The following CNTRL variants were observed in gnomAD, a reference collection of about 807,000 sequenced individuals.
The protein encoded by CNTRL is centriolin.
A neutral mutation model predicts 303.7 loss-of-function variants in CNTRL; 233 were observed. The observed-to-expected ratio is 0.77, with a 90% CI of 0.69 to 0.86. CNTRL has a LOEUF of 0.86. Among genes scored for constraint, CNTRL ranks in the 40% least tolerant of loss-of-function variants. The pLI is 0.00. For missense variants in CNTRL, 2,524 were observed against 2,650.6 expected (o/e 0.95, Z 1.05); for synonymous variants, 900 against 922.2 (o/e 0.98, Z 0.44).
intron 40 of CNTRL, among the ~76,000 whole-genome samples, chr9:121,172,411 T>C (rs910918524): frequency 2.0e-5 from 3 of 152,032 alleles, no homozygotes; most frequent in African/African-American, 7.2e-5. Flanking sequence ...GAGGCCAAGA[T>C]AGGTGGATCG....
chr9:121,172,746 T>C (rs893047562), intron 40 of CNTRL, among the ~76,000 whole-genome samples: 1 of 152,256 alleles, frequency 6.6e-6, no homozygotes, highest in Non-Finnish European at 1.5e-5. Flanking sequence ...ATGACTTATT[T>C]CAGTAAATGG....
chr9:121,171,591 G>T (rs1396734401), intron 40 of CNTRL, 43 bp downstream of exon 40: 1 of 1,595,690 alleles, frequency 6.3e-7, no homozygotes, highest in Non-Finnish European at 8.5e-7. Context: ...GGGGAGAGAG[G>T]ACTCACTGGG....
Position 121,148,755 on chromosome 9 carries a change from C to T in CNTRL, c.3543C>T (p.Arg1181=), listed in dbSNP as rs750452171. 3.7e-6 allele frequency: 6 copies of T among 1,614,000 alleles called. No individual in the cohort carries two copies. The African/African-American group carries it at 4.0e-5, about 11-fold the overall frequency. Residue 1181 remains arginine (R), a synonymous_variant, in exon 24 of 44, where the codon CGC becomes CGT. Coordinates refer to ENST00000373855, the MANE Select transcript of CNTRL (RefSeq NM_007018.6). ...YSASTPVRKP[R]PGQQDGKEGS... ...CCTCAACTCCTGTTAGAAAACCACG[C>T]CCTGGGCAGCAGGATGGGAAGGAAG...
At chr9:121,138,787 A>C in intron 16 of CNTRL, 108 bp downstream of exon 16, 1 of 1,114,398 alleles carries the variant, frequency 9.0e-7, no homozygotes, top group Non-Finnish European at 1.3e-6. Context: ...AAGCAATTTG[A>C]ATTACTAGAA....
In CNTRL at chr9:121,154,855, G is replaced by A. The variant is rs1291201518; in HGVS notation, c.4307G>A (p.Arg1436Lys). The A allele has an allele frequency of 6.8e-6, 11 of 1,614,146 alleles. No homozygotes were observed. The highest frequency in any genetic ancestry group is 9.3e-6 in the Non-Finnish European group (11 of 1,179,990). Residue 1436 changes from arginine (R) to lysine (K), a missense_variant, in exon 27 of 44, where the codon AGG becomes AAG. By Grantham distance (26) the Arg-to-Lys change is conservative. Coordinates refer to ENST00000373855, the MANE Select transcript of CNTRL (RefSeq NM_007018.6). ...KTLLKRRSEL[R>K]EADRLLAEAE... ...CTTCTGAAACGTCGCTCAGAGCTCAGGGAAGCTGACCGACTCCTGGCAGAG... is the reference window on the plus strand; with the variant it reads ...CTTCTGAAACGTCGCTCAGAGCTCAAGGAAGCTGACCGACTCCTGGCAGAG...
chr9:121,099,362 A>T (rs1588096871), intron 7 of CNTRL, among the ~76,000 whole-genome samples: 1 of 152,210 alleles, frequency 6.6e-6, no homozygotes, highest in Admixed American at 6.5e-5. Context: ...AGGAAAACTA[A>T]CAAACAGAAA....
At chr9:121,164,877 A>G in intron 34 of CNTRL, 66 bp from the exon 35 acceptor site, 1 of 1,264,022 alleles carries the variant, frequency 7.9e-7, no homozygotes, top group Non-Finnish European at 1.1e-6. Flanking sequence ...AAAGGATAAC[A>G]CTGTTCCTCA....
chr9:121,099,911 A>T (rs1394034335), intron 7 of CNTRL, among the ~76,000 whole-genome samples: 1 of 152,250 alleles, frequency 6.6e-6, no homozygotes, highest in East Asian at 1.9e-4. Context: ...GGACTATGTG[A>T]AAAGACCAAA....
Position 121,107,906 on chromosome 9 carries a change from A to G in CNTRL, c.913A>G (p.Lys305Glu). ...RFLEEIKNQD[K>E]LNKSLKEEAM... The stretch of plus-strand genomic sequence containing the variant: ...CCTTGAGGAAATTAAAAATCAAGAT[A>G]AATTGAATAAATCATTAAAAGAGGA... Residue 305 changes from lysine to glutamate, a missense_variant, in exon 8 of 44, where the codon AAA (lysine) becomes GAA (glutamate). Transcript: ENST00000373855. The G allele has an allele frequency of 6.2e-7, 1 of 1,611,294 alleles. No individual in the cohort carries two copies. The highest frequency in any genetic ancestry group is 8.5e-7 in the Non-Finnish European group (1 of 1,178,688).
chr9:121,107,814 G>A lies in CNTRL; in HGVS notation c.821G>A (p.Arg274Lys), dbSNP rs2049550596. The change falls in exon 8 of 44, where the codon AGA (arginine) becomes AAA (lysine). Residue 274 changes from arginine (R) to lysine (K), a missense_variant. Arg to Lys is a conservative substitution (Grantham distance 26, BLOSUM62 2). Transcript: ENST00000373855. Reference protein sequence around the residue: ...FERFSLEEVERLERDLEKKMI... With the variant: ...FERFSLEEVEKLERDLEKKMI... ...TTTTCATTGGCAGAAGAGGTAGAAAGACTGGAAAGAGACCTAGAAAAAAAG... is the reference window on the plus strand; with the variant it reads ...TTTTCATTGGCAGAAGAGGTAGAAAAACTGGAAAGAGACCTAGAAAAAAAG... The A allele has an allele frequency of 6.4e-7, 1 of 1,568,810 alleles. No homozygotes were observed. The highest frequency in any genetic ancestry group is 1.4e-5 in the African/African-American group (1 of 72,160).
chr9:121,152,324 A>G (rs2052320190), intron 25 of CNTRL, 161 bp from the exon 26 acceptor site: 1 of 613,752 alleles, frequency 1.6e-6, no homozygotes, highest in South Asian at 2.0e-5. Flanking sequence ...TGTCAGTTTC[A>G]TCCGTGACAT....
chr9:121,123,909 T>C (rs1188226137), intron 12 of CNTRL, 22 bp from the exon 13 acceptor site: 27 of 1,535,476 alleles, frequency 1.8e-5, no homozygotes, highest in Non-Finnish European at 2.4e-5. Flanking sequence ...TGGAGTTTTG[T>C]TGATTTTTTT....
chr9:121,099,399 T>C (rs1356203645), intron 7 of CNTRL, among the ~76,000 whole-genome samples: 2 of 152,104 alleles, frequency 1.3e-5, no homozygotes, highest in African/African-American at 4.8e-5. Flanking sequence ...ACCCTATCTG[T>C]ACGTCACCAT....
chr9:121,135,876 G>T lies in CNTRL; in HGVS notation c.2096G>T (p.Gly699Val). ...AATGCATCTTTGCAGCAGACCCAGG[G>T]AGATCTCAGTGCCTATGAAGCTGAG... ...EVNASLQQTQGDLSAYEAELE... is the reference protein window; with the variant it reads ...EVNASLQQTQVDLSAYEAELE... The change falls in exon 15 of 44, where the codon GGA (glycine) becomes GTA (valine). Residue 699 changes from glycine (G) to valine (V), a missense_variant. Gly to Val is a moderately radical substitution (Grantham distance 109, BLOSUM62 -3). Coordinates refer to ENST00000373855, the MANE Select transcript of CNTRL (RefSeq NM_007018.6). 1 of 1,614,056 alleles carries T rather than the reference G, an allele frequency of 6.2e-7. No individual in the cohort carries two copies. The highest frequency in any genetic ancestry group is 8.5e-7 in the Non-Finnish European group (1 of 1,179,972).
intron 2 of CNTRL, among the ~76,000 whole-genome samples, chr9:121,083,398 T>G (rs1045099251): frequency 1.3e-5 from 2 of 152,192 alleles, no homozygotes; most frequent in Non-Finnish European, 2.9e-5. Flanking sequence ...TTTAAATGTT[T>G]TCTTAAAAAC....
In CNTRL at chr9:121,140,667, A is replaced by C. The variant is rs145006037; in HGVS notation, c.2364A>C (p.Gln788His). The C allele has an allele frequency of 6.2e-7, 1 of 1,612,626 alleles. No individual in the cohort carries two copies. The highest frequency in any genetic ancestry group is 1.1e-5 in the South Asian group (1 of 90,920). ...LQDDNNLLKQQLKDFQNHLNH... is the reference protein window; with the variant it reads ...LQDDNNLLKQHLKDFQNHLNH... ...ATGACAATAATCTGTTAAAACAGCA[A>C]CTTAAAGATTTCCAGAATCACCTTA... is the stretch of plus-strand genomic sequence containing the variant. The change falls in exon 17 of 44, where the codon CAA (glutamine) becomes CAC (histidine). Residue 788 changes from glutamine to histidine, a missense_variant. Coordinates refer to ENST00000373855, the MANE Select transcript of CNTRL (RefSeq NM_007018.6).
intron 25 of CNTRL, 101 bp from the exon 26 acceptor site, chr9:121,152,384 T>C: frequency 2.2e-6 from 2 of 919,574 alleles, no homozygotes; most frequent in South Asian, 1.6e-5. Flanking sequence ...TTTTGGGCCA[T>C]TGATACCACT....
chr9:121,160,241 A>G lies in CNTRL; in HGVS notation c.5028A>G (p.Glu1676=). 6.4e-7 allele frequency: 1 copy of G among 1,565,426 alleles called. No individual in the cohort carries two copies. ...CTCAACTTACACTTATAAAGCAGGA[A>G]ATTGAAAAAGAGGAAGAAAATCTTC... ...RKTQLTLIKQ[E]IEKEEENLQV... The change falls in exon 32 of 44, where the codon GAA becomes GAG. Residue 1676 remains glutamate (E), a synonymous_variant. Coordinates refer to ENST00000373855, the MANE Select transcript of CNTRL (RefSeq NM_007018.6).
intron 14 of CNTRL, among the ~76,000 whole-genome samples, chr9:121,133,508 T>A (rs1480223143): frequency 6.6e-6 from 1 of 152,200 alleles, no homozygotes; most frequent in African/African-American, 2.4e-5. Flanking sequence ...AAAAGCACAG[T>A]ATTTGGGTGA....
Sources: allele counts gnomAD v4.1 joint callset (sites outside exome capture counted in the v4.1 genomes callset), GRCh38; gene constraint gnomAD v4.1.1; transcripts MANE v1.5; gene names NCBI Gene and HGNC (gene_info 2026-07-23, HGNC 2026-07-21).